The following ZNF475 variants were observed in gnomAD, a reference collection of about 807,000 sequenced individuals.
ZNF475 encodes the protein zinc finger protein 475.
At chr5:122,176,297 CATT>C in the ZNF475 span, among the ~76,000 whole-genome samples, 4,967 of 152,066 alleles carry the variant, frequency 0.033, 280 homozygotes, top group African/African-American at 0.11. Context: ...TGGTTTTAAA[CATT>C]TTTTTTCTGT....
chr5:122,170,583 C>T, the ZNF475 span, among the ~76,000 whole-genome samples: 2 of 152,134 alleles, frequency 1.3e-5, no homozygotes, highest in African/African-American at 4.8e-5. Flanking sequence ...CACCACACTC[C>T]CAGCACCTCA....
the ZNF475 span, among the ~76,000 whole-genome samples, chr5:122,174,044 G>A: frequency 6.6e-6 from 1 of 152,144 alleles, no homozygotes; most frequent in African/African-American, 2.4e-5. Flanking sequence ...CATAGACAGG[G>A]CCCCCTGCCC....
chr5:122,181,501 T>C, the ZNF475 span, among the ~76,000 whole-genome samples: 2 of 152,190 alleles, frequency 1.3e-5, no homozygotes, highest in South Asian at 4.1e-4. Context: ...TAGATTTTGC[T>C]GGGATTTAAA....
the ZNF475 span, among the ~76,000 whole-genome samples, chr5:122,177,436 T>C: frequency 6.6e-6 from 1 of 152,216 alleles, no homozygotes; most frequent in African/African-American, 2.4e-5. Flanking sequence ...TTTATCTTTG[T>C]ATTCTCCCAG....
At chr5:122,179,745 A>G in the ZNF475 span, 1 of 1,483,004 alleles carries the variant, frequency 6.7e-7, no homozygotes, top group Non-Finnish European at 8.9e-7. Context: ...GTTCCTAGAA[A>G]AAAGATTTGA....
chr5:122,167,504 C>T, the ZNF475 span, among the ~76,000 whole-genome samples: 4 of 152,160 alleles, frequency 2.6e-5, no homozygotes, highest in Non-Finnish European at 4.4e-5. Flanking sequence ...TCCCTAGCTC[C>T]TGGCAAAAAT....
chr5:122,181,349 C>T, the ZNF475 span, among the ~76,000 whole-genome samples: 1 of 152,140 alleles, frequency 6.6e-6, no homozygotes, highest in Admixed American at 6.5e-5. Context: ...AGTGACTACT[C>T]TGGAATTTTT....
At chr5:122,172,127 T>C in the ZNF475 span, among the ~76,000 whole-genome samples, 1 of 152,232 alleles carries the variant, frequency 6.6e-6, no homozygotes, top group Non-Finnish European at 1.5e-5. Context: ...CTATATTTTT[T>C]AGCTTTTTTG....
chr5:122,177,461 T>G, the ZNF475 span, among the ~76,000 whole-genome samples: 1 of 152,202 alleles, frequency 6.6e-6, no homozygotes, highest in African/African-American at 2.4e-5. Context: ...GTAACTTGGA[T>G]AAAATAGTCA....
chr5:122,167,464 A>G, the ZNF475 span, among the ~76,000 whole-genome samples: 1 of 152,202 alleles, frequency 6.6e-6, no homozygotes. Context: ...GATAAATTAA[A>G]GAGTTTAGAA....
At chr5:122,174,942 G>T in the ZNF475 span, among the ~76,000 whole-genome samples, 71 of 152,110 alleles carry the variant, frequency 4.7e-4, no homozygotes, top group African/African-American at 1.5e-3. Context: ...CTTATGCTTT[G>T]TACTTTCTCT....
chr5:122,172,934 G>C, the ZNF475 span, among the ~76,000 whole-genome samples: 3 of 152,126 alleles, frequency 2.0e-5, no homozygotes, highest in African/African-American at 7.2e-5. Flanking sequence ...TCGGGAGGCT[G>C]AGGCAGGAGA....
the ZNF475 span, chr5:122,179,567 T>C: frequency 4.6e-6 from 7 of 1,516,208 alleles, no homozygotes; most frequent in African/African-American, 1.4e-5. Flanking sequence ...TGATACGGCG[T>C]CCACCAGCAG....
chr5:122,177,564 C>T, the ZNF475 span, among the ~76,000 whole-genome samples: 1 of 152,036 alleles, frequency 6.6e-6, no homozygotes, highest in Non-Finnish European at 1.5e-5. Context: ...TCCTCTGAAG[C>T]CATGTCCTCA....
chr5:122,173,944 T>C, the ZNF475 span, among the ~76,000 whole-genome samples: 1 of 152,244 alleles, frequency 6.6e-6, no homozygotes, highest in African/African-American at 2.4e-5. Flanking sequence ...TCTAATTCTT[T>C]GCTCTTCAGC....
the ZNF475 span, among the ~76,000 whole-genome samples, chr5:122,176,707 G>A: frequency 6.6e-6 from 1 of 152,146 alleles, no homozygotes. Context: ...TTTTCTTGTG[G>A]CAGAAAATTA....
the ZNF475 span, among the ~76,000 whole-genome samples, chr5:122,170,864 A>C: frequency 6.6e-6 from 1 of 151,998 alleles, no homozygotes; most frequent in Admixed American, 6.5e-5. Context: ...GACATTCATC[A>C]CTCCCGGGGA....
chr5:122,173,968 C>G, the ZNF475 span, among the ~76,000 whole-genome samples: 1 of 152,244 alleles, frequency 6.6e-6, no homozygotes, highest in Non-Finnish European at 1.5e-5. Context: ...CTCAGACTTA[C>G]CGACTTCCTC....
At chr5:122,182,036 C>T in the ZNF475 span, among the ~76,000 whole-genome samples, 6 of 152,142 alleles carry the variant, frequency 3.9e-5, no homozygotes, top group African/African-American at 1.4e-4. Context: ...AAAAACATTC[C>T]ACTGAAGGAT....
Sources: gnomAD v4.1 joint callset for allele counts (sites outside exome capture counted in the v4.1 genomes callset) on GRCh38, gnomAD v4.1.1 for gene constraint, MANE v1.5 for transcripts, NCBI Gene and HGNC (gene_info 2026-07-23, HGNC 2026-07-21) for gene names.